GRK1: variants seen among roughly 807,000 people sequenced by gnomAD.
GRK1 encodes the protein G protein-coupled receptor kinase 1.
Under a neutral mutation model 41.7 loss-of-function variants are expected in GRK1, and 28 were observed. That is an observed-to-expected ratio of 0.67 (90% CI 0.50 to 0.92). The LOEUF (loss-of-function observed/expected upper bound fraction) is 0.92, where lower values mean the gene tolerates loss of function less well. Ranked by LOEUF, GRK1 falls within the 40% of genes least tolerant of loss-of-function variation. The probability of loss-of-function intolerance (pLI) is 0.00; values close to 1 mark genes in which losing one functional copy is unlikely to be tolerated. For synonymous variants in GRK1, 327 were observed against 286.7 expected, an observed-to-expected ratio of 1.14 and a Z score of -1.42; for missense variants, 703 against 671.2, an observed-to-expected ratio of 1.05 and a Z score of -0.52.
At chr13:113,724,833 A>G (rs889865299) in intron 4 of GRK1, among the ~76,000 whole-genome samples, 4 of 151,904 alleles carry the variant, frequency 2.6e-5, no homozygotes, top group Non-Finnish European at 5.9e-5. Flanking sequence ...AGTCTTTGGG[A>G]CCCTTGCCAA....
In GRK1 at chr13:113,735,232, G is replaced by A; in HGVS notation, c.1561G>A (p.Glu521Lys). ...CAACTGCCCCATCCCCTGGCAGGAG[G>A]AGATGATCGAGACGGGCATCTTTGG... ...TGNCPIPWQE[E>K]MIETGIFGEL... Residue 521 changes from glutamate to lysine, a missense_variant, in exon 7 of 7, where the codon GAG becomes AAG. Physicochemically the swap from Glu to Lys is moderately conservative, Grantham distance 56 (BLOSUM62 1). Coordinates refer to ENST00000335678, the MANE Select transcript of GRK1 (RefSeq NM_002929.3). 2 of 1,537,196 alleles carry A rather than the reference G, an allele frequency of 1.3e-6. No individual in the cohort carries two copies. The highest frequency in any genetic ancestry group is 1.7e-6 in the Non-Finnish European group (2 of 1,146,906).
chr13:113,733,678 T>TGC (rs1391499005), intron 6 of GRK1, among the ~76,000 whole-genome samples: 6 of 145,854 alleles, frequency 4.1e-5, no homozygotes, highest in African/African-American at 1.5e-4. Flanking sequence ...TGCACGTGTG[T>TGC]GCATGTATGT....
At chr13:113,730,031 G>A (rs1184439684) in intron 4 of GRK1, among the ~76,000 whole-genome samples, 2 of 128,304 alleles carry the variant, frequency 1.6e-5, no homozygotes, top group Non-Finnish European at 3.2e-5. Flanking sequence ...CACAGTCCCC[G>A]TGGCTGCACC....
intron 4 of GRK1, among the ~76,000 whole-genome samples, chr13:113,725,240 C>A (rs1282558532): frequency 1.3e-5 from 2 of 152,148 alleles, no homozygotes; most frequent in Non-Finnish European, 2.9e-5. Flanking sequence ...GGGACTCCCC[C>A]TTGCCAGTGC....
chr13:113,665,815 C>T (rs1330622375), upstream of GRK1, among the ~76,000 whole-genome samples: 2 of 148,238 alleles, frequency 1.3e-5, no homozygotes, highest in African/African-American at 5.0e-5. Flanking sequence ...CCAAGTGTTC[C>T]CCAACTGCAT....
intron 6 of GRK1, chr13:113,734,722 G>A: frequency 5.1e-6 from 1 of 197,454 alleles, no homozygotes; most frequent in African/African-American, 2.3e-5. Context: ...GGCCCCAGGG[G>A]AAGGCGTGTT....
In GRK1 at chr13:113,731,261, T is replaced by A; in HGVS notation, c.1112T>A (p.Phe371Tyr). Residue 371 changes from phenylalanine (F) to tyrosine (Y), a missense_variant, in exon 5 of 7, where the codon TTC becomes TAC. By Grantham distance (22) the Phe-to-Tyr change is conservative. Transcript: ENST00000335678. This position sits in a 1 kb window ranked among gnomAD's most constrained non-coding sequence, Gnocchi z 5.6. ...CTCCTGCAGGGCGAGGAGTACGACT[T>A]CTCCGTGGACTACTTTGCCCTGGGG... ...PELLQGEEYDFSVDYFALGVT... is the reference protein window; with the variant it reads ...PELLQGEEYDYSVDYFALGVT... The A allele has an allele frequency of 6.5e-7, 1 of 1,537,054 alleles. No homozygotes were observed. The highest frequency in any genetic ancestry group is 1.2e-5 in the South Asian group (1 of 84,052).
the GRK1 span, chr13:113,650,598 C>T: frequency 8.0e-5 from 78 of 975,930 alleles, no homozygotes; most frequent in South Asian, 4.5e-4. This position sits in a 1 kb window ranked among gnomAD's most constrained non-coding sequence, Gnocchi z 5.0. Context: ...TGCACACACG[C>T]GCTGTGTAGG....
the GRK1 span, chr13:113,651,694 G>A: frequency 6.2e-7 from 1 of 1,613,684 alleles, no homozygotes. Context: ...TCCACTCTGG[G>A]GGCCGAGCCG....
the GRK1 span, among the ~76,000 whole-genome samples, chr13:113,658,360 C>T: frequency 9.5e-3 from 1,448 of 152,334 alleles, 23 homozygotes; most frequent in African/African-American, 0.032. Context: ...GCCCCTGGGG[C>T]GGGCCAGGCC....
At chr13:113,724,975 C>G (rs1234711269) in intron 4 of GRK1, among the ~76,000 whole-genome samples, 1 of 152,246 alleles carries the variant, frequency 6.6e-6, no homozygotes, top group Non-Finnish European at 1.5e-5. Flanking sequence ...AGGGTGAGGG[C>G]CCGACTGGCC....
chr13:113,670,805 G>A (rs2049851925), intron 2 of GRK1, among the ~76,000 whole-genome samples: 1 of 150,260 alleles, frequency 6.7e-6, no homozygotes, highest in Non-Finnish European at 1.5e-5. Flanking sequence ...ACACGGGGGT[G>A]CCCAGGCGGA....
At chr13:113,728,558 C>T (rs2049911026) in intron 4 of GRK1, among the ~76,000 whole-genome samples, 2 of 152,154 alleles carry the variant, frequency 1.3e-5, no homozygotes, top group African/African-American at 2.4e-5. Flanking sequence ...GTGCCTGGCA[C>T]TCAGGGCAGG....
At chr13:113,653,399 C>G in the GRK1 span, 2 of 1,614,228 alleles carry the variant, frequency 1.2e-6, no homozygotes, top group South Asian at 2.2e-5. Context: ...ATTTCCAGGC[C>G]TTTCTCCCCG....
At chr13:113,672,649 A>G (rs1430513745) in intron 3 of GRK1, among the ~76,000 whole-genome samples, 1 of 1,980 alleles carries the variant, frequency 5.1e-4, no homozygotes, top group Non-Finnish European at 7.9e-4. Flanking sequence ...TTAGAACTAA[A>G]CAAGTATGGT....
intron 6 of GRK1, 108 bp downstream of exon 6, chr13:113,733,193 A>T (rs2049950368): frequency 1.8e-6 from 2 of 1,116,132 alleles, no homozygotes; most frequent in Non-Finnish European, 1.3e-6. Context: ...AGTGCCTCAG[A>T]CCCCCAAGGC....
chr13:113,656,818 C>T, the GRK1 span, among the ~76,000 whole-genome samples: 28 of 152,146 alleles, frequency 1.8e-4, no homozygotes, highest in Middle Eastern at 3.4e-3. Context: ...AGCCAGGAGG[C>T]GGCACATGGG....
At chr13:113,660,985 G>T in the GRK1 span, among the ~76,000 whole-genome samples, 1 of 152,238 alleles carries the variant, frequency 6.6e-6, no homozygotes, top group South Asian at 2.1e-4. Context: ...GGATACGGAA[G>T]AACTCAACAT....
upstream of GRK1, among the ~76,000 whole-genome samples, chr13:113,665,924 G>A (rs572193526): frequency 1.4e-5 from 2 of 140,234 alleles, no homozygotes; most frequent in South Asian, 2.4e-4. Context: ...TGCATTTCAG[G>A]TGTCTCAGGT....
Sources: gnomAD v4.1 joint callset for allele counts (sites outside exome capture counted in the v4.1 genomes callset) on GRCh38, gnomAD v4.1.1 for gene constraint, Gnocchi (gnomAD v3.1) non-coding constraint, MANE v1.5 for transcripts, NCBI Gene and HGNC (gene_info 2026-07-23, HGNC 2026-07-21) for gene names.